PHF2: variants seen among roughly 807,000 people sequenced by gnomAD.
PHF2 encodes lysine-specific demethylase PHF2.
In PHF2, 27 loss-of-function variants were observed where a neutral mutation model predicts 120.5. That is an observed-to-expected ratio of 0.22 (90% CI 0.17 to 0.31). The LOEUF is 0.31. Among genes scored for constraint, PHF2 ranks in the 10% least tolerant of loss-of-function variants. PHF2 has a pLI of 1.00. For synonymous variants in PHF2, 568 were observed against 592.5 expected (o/e 0.96, Z 0.60); for missense variants, 1,024 against 1,434.8 (o/e 0.71, Z 4.63).
chr9:93,589,664 GT>G (rs1863131863), intron 1 of PHF2, among the ~76,000 whole-genome samples: 1 of 152,180 alleles, frequency 6.6e-6, no homozygotes, highest in Non-Finnish European at 1.5e-5. Flanking sequence ...ATTTGAAATT[GT>G]TTGATTGAAT....
intron 1 of PHF2, among the ~76,000 whole-genome samples, chr9:93,597,122 G>T (rs1320955332): frequency 6.6e-6 from 1 of 151,968 alleles, no homozygotes. Context: ...GTAGAGACGG[G>T]GTTTCACCGT....
At chr9:93,593,432 G>A (rs1825272691) in intron 1 of PHF2, among the ~76,000 whole-genome samples, 1 of 152,190 alleles carries the variant, frequency 6.6e-6, no homozygotes, top group Admixed American at 6.5e-5. Context: ...ATTGAAGGCT[G>A]TAATTCCCAG....
chr9:93,645,510 T>G lies in PHF2; in HGVS notation c.300-119T>G, dbSNP rs138660731. ...CCACGGCCAGGCCTCCTCCTGTGGC[T>G]GTGGGAGGTGGGTGGCCAGACCCAG... is the stretch of plus-strand genomic sequence containing the variant. On this transcript the variant is annotated intron_variant, in intron 3 of 21. Coordinates refer to ENST00000359246, the MANE Select transcript of PHF2 (RefSeq NM_005392.4). 2.0e-5 allele frequency: 21 copies of G among 1,025,916 alleles called. No homozygotes were observed. The African/African-American group carries it at 3.4e-4, about 17-fold the overall frequency. 63.6% of individuals were successfully genotyped at this position (1,025,916 alleles called of 1,614,324 possible). A position where few individuals can be genotyped will look rare whatever the true frequency, so the allele number is the denominator to read the frequency against.
chr9:93,603,023 C>T (rs940888682), intron 1 of PHF2, among the ~76,000 whole-genome samples: 25 of 151,538 alleles, frequency 1.6e-4, no homozygotes, highest in Admixed American at 7.9e-4. Flanking sequence ...GGGAGGGGGG[C>T]GCGGAGGTGG....
chr9:93,636,081 G>T (rs10992817), intron 2 of PHF2, among the ~76,000 whole-genome samples: 21,387 of 152,176 alleles, frequency 0.14, 1,579 homozygotes, highest in Non-Finnish European at 0.17. Flanking sequence ...GACCTTTTCA[G>T]GAGGTGGCTC....
At chr9:93,608,666 A>G (rs1825585048) in intron 1 of PHF2, among the ~76,000 whole-genome samples, 1 of 152,080 alleles carries the variant, frequency 6.6e-6, no homozygotes, top group Non-Finnish European at 1.5e-5. Flanking sequence ...GTGAGTTTTG[A>G]CAGAGTATAT....
At chr9:93,634,055 G>A (rs1826052092) in intron 2 of PHF2, among the ~76,000 whole-genome samples, 1 of 152,184 alleles carries the variant, frequency 6.6e-6, no homozygotes, top group Non-Finnish European at 1.5e-5. Flanking sequence ...CCTCGCAGGT[G>A]GTGACCTAAG....
At chr9:93,584,045 C>G (rs12345288) in intron 1 of PHF2, among the ~76,000 whole-genome samples, 9,790 of 152,144 alleles carry the variant, frequency 0.064, 700 homozygotes, top group African/African-American at 0.17. Context: ...TCAGGCTGGT[C>G]TCGAACTCTC....
rs1826699538 is a variant in PHF2, at chr9:93,667,243, G to A, written c.2348+3G>A. 1.2e-6 allele frequency: 2 copies of A among 1,607,702 alleles called. No homozygotes were observed. The highest frequency in any genetic ancestry group is 8.5e-7 in the Non-Finnish European group (1 of 1,177,766). On this transcript the variant is annotated splice_donor_region_variant and intron_variant, in intron 17 of 21. Transcript: ENST00000359246. Reference sequence around the variant, plus strand: ...GCGCTGGAGTACAACCCCAGCAGGTGGGCCCCACCACCCGGCAGCACCCAA... The same window carrying A: ...GCGCTGGAGTACAACCCCAGCAGGTAGGCCCCACCACCCGGCAGCACCCAA...
chr9:93,667,082 T>C lies in PHF2; in HGVS notation c.2190T>C (p.Ser730=). 6.2e-7 allele frequency: 1 copy of C among 1,611,554 alleles called. No homozygotes were observed. ...AAGCCCTGTCCCTCGCGCAGCAGAG[T>C]GATGACTCCTCGGACGAGGGTTCGC... ...KPKLDSAAYK[S]DDSSDEGSLH... The change falls in exon 17 of 22, where the codon AGT becomes AGC. Residue 730 remains serine, a splice_region_variant and synonymous_variant. Coordinates refer to ENST00000359246, the MANE Select transcript of PHF2 (RefSeq NM_005392.4).
In PHF2 at chr9:93,665,683, T is replaced by C. The variant is rs542716694; in HGVS notation, c.1938-3T>C. ...GCTGCTGACCCACTCGCTTCTGCCC[T>C]AGCTCCAAGGCTCTCAGGCCCCCGA... On this transcript the variant is annotated splice_polypyrimidine_tract_variant and splice_region_variant and intron_variant, in intron 14 of 21. Transcript: ENST00000359246. 3.1e-6 allele frequency: 5 copies of C among 1,613,432 alleles called. No homozygotes were observed. In the African/African-American group the frequency reaches 6.7e-5, roughly 22 times the overall value.
At chr9:93,676,301 G>C (rs1826909707) in intron 20 of PHF2, among the ~76,000 whole-genome samples, 1 of 152,260 alleles carries the variant, frequency 6.6e-6, no homozygotes, top group Non-Finnish European at 1.5e-5. Flanking sequence ...TATTCTTCCA[G>C]AACTGGGAGA....
intron 1 of PHF2, among the ~76,000 whole-genome samples, chr9:93,626,057 A>C (rs1278272555): frequency 6.6e-6 from 1 of 152,140 alleles, no homozygotes; most frequent in Non-Finnish European, 1.5e-5. Flanking sequence ...AGCCTGACCA[A>C]CAAGGTGAAA....
chr9:93,670,405 G>T (rs1440362196), intron 17 of PHF2, among the ~76,000 whole-genome samples: 5 of 152,246 alleles, frequency 3.3e-5, no homozygotes, highest in Non-Finnish European at 7.3e-5. Context: ...GAAGCCTGGG[G>T]CACCTGTCCT....
At chr9:93,624,922 T>C (rs1242419907) in intron 1 of PHF2, among the ~76,000 whole-genome samples, 1 of 152,194 alleles carries the variant, frequency 6.6e-6, no homozygotes, top group East Asian at 1.9e-4. Flanking sequence ...GTGATGGAGA[T>C]GATGTTGTCA....
rs1230554716 is a variant in PHF2, at chr9:93,677,430, T to C, written c.3203-158T>C. On this transcript the variant is annotated intron_variant, in intron 21 of 21. Coordinates refer to ENST00000359246, the MANE Select transcript of PHF2 (RefSeq NM_005392.4). The surrounding 1 kb of genome is among the most constrained non-coding windows in gnomAD (Gnocchi z 4.4). ...CCAGTGATCCCAGACTCCTGAAGGG[T>C]GCTGAGCTCGGAGCTGGGGCTTCAT... Among the ~76,000 whole-genome samples, 4 of 151,828 alleles carry C rather than the reference T, an allele frequency of 2.6e-5. No homozygotes were observed. The highest frequency in any genetic ancestry group is 9.7e-5 in the African/African-American group (4 of 41,324).
At chr9:93,657,222 C>T (rs978291409) in intron 9 of PHF2, among the ~76,000 whole-genome samples, 4 of 152,334 alleles carry the variant, frequency 2.6e-5, no homozygotes, top group Admixed American at 6.5e-5. Flanking sequence ...TTTCCTTTCT[C>T]GGTGTGGTTG....
intron 3 of PHF2, among the ~76,000 whole-genome samples, chr9:93,642,415 A>T (rs1826186168): frequency 1.3e-5 from 2 of 152,354 alleles, no homozygotes; most frequent in African/African-American, 4.8e-5. Flanking sequence ...TTCTTATAGA[A>T]TTATATCTTT....
intron 1 of PHF2, among the ~76,000 whole-genome samples, chr9:93,589,077 T>TC (rs1456093162): frequency 6.6e-6 from 1 of 152,164 alleles, no homozygotes; most frequent in African/African-American, 2.4e-5. Context: ...GAAGCCGCTT[T>TC]CCCAGGACCC....
Sources: allele counts gnomAD v4.1 joint callset (sites outside exome capture counted in the v4.1 genomes callset), GRCh38; gene constraint gnomAD v4.1.1; non-coding constraint Gnocchi (gnomAD v3.1); transcripts MANE v1.5; gene names NCBI Gene and HGNC (gene_info 2026-07-23, HGNC 2026-07-21).